Variants in ALDH16A1 observed in about 807,000 individuals in gnomAD.
ALDH16A1 encodes aldehyde dehydrogenase 16 family member A1.
In ALDH16A1, 88 loss-of-function variants were observed where a neutral mutation model predicts 96.1. The ratio of observed to expected loss-of-function variants is 0.92; its 90% CI spans 0.77 to 1.09. The LOEUF (loss-of-function observed/expected upper bound fraction) is 1.09, where lower values mean the gene tolerates loss of function less well. ALDH16A1 is among the 50% of genes least tolerant of loss of function. The pLI is 0.00. For synonymous variants in ALDH16A1, 522 were observed against 496.4 expected (o/e 1.05, Z -0.69); for missense variants, 1,250 against 1,112.6 (o/e 1.12, Z -1.76).
In ALDH16A1 at chr19:49,459,132, A is replaced by T; in HGVS notation, c.320+46A>T. ...ACCCCGGGAGGCGGGGAACCCCAGCATCCACTCGAGACCATGGGAACAAAG... is the reference window on the plus strand; with the variant it reads ...ACCCCGGGAGGCGGGGAACCCCAGCTTCCACTCGAGACCATGGGAACAAAG... On this transcript the variant is annotated intron_variant, in intron 3 of 16. Coordinates refer to ENST00000293350, the MANE Select transcript of ALDH16A1 (RefSeq NM_153329.4). The surrounding 1 kb of genome is among the most constrained non-coding windows in gnomAD (Gnocchi z 4.1). 3.1e-6 allele frequency: 5 copies of T among 1,588,324 alleles called. No individual in the cohort carries two copies. In the African/African-American group the frequency reaches 6.7e-5, roughly 21 times the overall value.
At chr19:49,454,019 G>A (rs1477428326) in intron 1 of ALDH16A1, among the ~76,000 whole-genome samples, 6 of 79,340 alleles carry the variant, frequency 7.6e-5, no homozygotes, top group African/African-American at 2.8e-4. Context: ...GTTTGGGTTG[G>A]GTTTTTTTTT....
chr19:49,462,565 C>T lies in ALDH16A1; in HGVS notation c.913-5C>T, dbSNP rs1377235339. On this transcript the variant is annotated splice_polypyrimidine_tract_variant and splice_region_variant and intron_variant, in intron 7 of 16. Coordinates refer to ENST00000293350, the MANE Select transcript of ALDH16A1 (RefSeq NM_153329.4). ...GTGATCTCCTGATGCCCCTTTTCCT[C>T]ACAGGGTGGCCTCAGGCTCCTCATC... is the stretch of plus-strand genomic sequence containing the variant. 1 of 1,611,876 alleles carries T rather than the reference C, an allele frequency of 6.2e-7. No individual in the cohort carries two copies. The highest frequency in any genetic ancestry group is 8.5e-7 in the Non-Finnish European group (1 of 1,179,524).
chr19:49,462,735 G>T lies in ALDH16A1; in HGVS notation c.1078G>T (p.Ala360Ser), dbSNP rs751104701. 6.3e-7 allele frequency: 1 copy of T among 1,597,960 alleles called. No individual in the cohort carries two copies. The highest frequency in any genetic ancestry group is 2.3e-5 in the East Asian group (1 of 44,250). Residue 360 changes from alanine to serine, a missense_variant, in exon 8 of 17, where the codon GCC becomes TCC. By Grantham distance (99) the Ala-to-Ser change is moderately conservative. Coordinates refer to ENST00000293350, the MANE Select transcript of ALDH16A1 (RefSeq NM_153329.4). ...CCTGGTCCAGCGCTTTGTGCGTGAGGCCCAGAGCCAGGGTGCACAGGTGAG... is the reference window on the plus strand; with the variant it reads ...CCTGGTCCAGCGCTTTGTGCGTGAGTCCCAGAGCCAGGGTGCACAGGTGAG... The part of the protein sequence containing the change: ...CDLVQRFVRE[A>S]QSQGAQVFQA...
chr19:49,462,007 G>T lies in ALDH16A1; in HGVS notation c.883G>T (p.Val295Leu), dbSNP rs879523213. Reference protein sequence around the residue: ...ADVDSAVEGVVDAAWSDRGPG... With the variant: ...ADVDSAVEGVLDAAWSDRGPG... Reference sequence around the variant, plus strand: ...CGTAGACTCGGCCGTGGAGGGTGTCGTGGACGCCGCCTGGTCCGACCGCGG... The same window carrying T: ...CGTAGACTCGGCCGTGGAGGGTGTCTTGGACGCCGCCTGGTCCGACCGCGG... The change falls in exon 7 of 17, where the codon GTG (valine) becomes TTG (leucine). Residue 295 changes from valine (V) to leucine (L), a missense_variant. By Grantham distance (32) the Val-to-Leu change is conservative (BLOSUM62 1). Coordinates refer to ENST00000293350, the MANE Select transcript of ALDH16A1 (RefSeq NM_153329.4). 6.5e-7 allele frequency: 1 copy of T among 1,544,666 alleles called. No homozygotes were observed. The highest frequency in any genetic ancestry group is 1.4e-5 in the African/African-American group (1 of 73,242).
At chr19:49,462,441 T>A in intron 7 of ALDH16A1, 129 bp from the exon 8 acceptor site, 5 of 1,210,066 alleles carry the variant, frequency 4.1e-6, no homozygotes, top group Non-Finnish European at 5.8e-6. Context: ...GGCCTCTCTG[T>A]TCTTTAGGAC....
In ALDH16A1 at chr19:49,461,945, G is replaced by C; in HGVS notation, c.821G>C (p.Gly274Ala). Reference protein sequence around the residue: ...GECAELGLALGTESLLLLTDT... With the variant: ...GECAELGLALATESLLLLTDT... ...TGTGCGGAGCTGGGCCTGGCGCTGG[G>C]GACGGAGTCGCTGCTGCTGCTGACG... is the stretch of plus-strand genomic sequence containing the variant. Residue 274 changes from glycine to alanine, a missense_variant, in exon 7 of 17, where the codon GGG becomes GCG. Gly to Ala is a moderately conservative substitution (Grantham distance 60). Coordinates refer to ENST00000293350, the MANE Select transcript of ALDH16A1 (RefSeq NM_153329.4). The C allele has an allele frequency of 6.4e-7, 1 of 1,571,240 alleles. No homozygotes were observed. The highest frequency in any genetic ancestry group is 8.6e-7 in the Non-Finnish European group (1 of 1,160,554).
chr19:49,459,176 A>G lies in ALDH16A1; in HGVS notation c.320+90A>G. ...AACAAAGGCTATTTCCCAAGATCCC[A>G]CTGAATTAATTTGCAGCTAAGGCTC... On this transcript the variant is annotated intron_variant, in intron 3 of 16. Transcript: ENST00000293350. The surrounding 1 kb of genome is among the most constrained non-coding windows in gnomAD (Gnocchi z 4.1). The G allele has an allele frequency of 6.6e-7, 1 of 1,523,400 alleles. No individual in the cohort carries two copies. Among genetic ancestry groups the G allele is most frequent in the Non-Finnish European group, 8.8e-7 (1 of 1,136,380 alleles). The allele number at this position is 1,523,400 out of a possible 1,614,324, so 94.4% of individuals were successfully genotyped here.
intron 16 of ALDH16A1, chr19:49,470,018 C>G (rs992711731): frequency 6.2e-6 from 2 of 321,690 alleles, no homozygotes; most frequent in Non-Finnish European, 1.1e-5. Flanking sequence ...GCCCCACCGT[C>G]CACTCTCTTA....
chr19:49,464,441 C>A lies in ALDH16A1; in HGVS notation c.1356C>A (p.Ile452=). 6.2e-7 allele frequency: 1 copy of A among 1,607,272 alleles called. No individual in the cohort carries two copies. The highest frequency in any genetic ancestry group is 8.5e-7 in the Non-Finnish European group (1 of 1,177,300). ...GYGLQVGTVW[I]NAHGLRDPSV... ...GGCTCCAGGTGGGCACTGTCTGGAT[C>A]AACGCCCACGGCCTCAGAGACCCTT... The change falls in exon 11 of 17, where the codon ATC becomes ATA. Residue 452 remains isoleucine, a synonymous_variant. Transcript: ENST00000293350.
intron 16 of ALDH16A1, chr19:49,469,970 C>T: frequency 4.4e-6 from 1 of 228,870 alleles, no homozygotes; most frequent in Non-Finnish European, 8.6e-6. Context: ...CCCGCCTCAG[C>T]CACCCCAAGT....
chr19:49,453,656 T>C (rs1951616877), intron 1 of ALDH16A1, among the ~76,000 whole-genome samples: 1 of 152,232 alleles, frequency 6.6e-6, no homozygotes, highest in Admixed American at 6.5e-5. Context: ...CCCTTGATCC[T>C]GAACTCCTCG....
intron 13 of ALDH16A1, 72 bp downstream of exon 13, chr19:49,465,977 G>C: frequency 6.4e-7 from 1 of 1,556,630 alleles, no homozygotes. Flanking sequence ...AGCAATTGGT[G>C]GACTGGGAGG....
At chr19:49,462,113 C>G (rs1185555010) in intron 7 of ALDH16A1, 77 bp downstream of exon 7, 6 of 1,428,010 alleles carry the variant, frequency 4.2e-6, no homozygotes, top group Non-Finnish European at 5.5e-6. Flanking sequence ...GGTCCCGAGT[C>G]TCTGTTCATT....
Position 49,453,228 on chromosome 19 carries a change from C to T in ALDH16A1, c.-104C>T, listed in dbSNP as rs2079080926. 2 of 1,054,908 alleles carry T rather than the reference C, an allele frequency of 1.9e-6. No homozygotes were observed. Among genetic ancestry groups the T allele is most frequent in the South Asian group, 3.3e-5 (2 of 60,806 alleles). The allele number at this position is 1,054,908 out of a possible 1,614,324, so 65.3% of individuals were successfully genotyped here. A position where few individuals can be genotyped will look rare whatever the true frequency, so the allele number is the denominator to read the frequency against. ...GTAGCCCCACCCCATTCCCATTAGC[C>T]CCGCCCCTTTGGGCTGGAACCGGAG... On this transcript the variant is annotated 5_prime_UTR_variant, in exon 1 of 17. Transcript: ENST00000293350.
In ALDH16A1 at chr19:49,459,779, C is replaced by T; in HGVS notation, c.430C>T (p.Gln144Ter). 11 of 1,613,516 alleles carry T rather than the reference C, an allele frequency of 6.8e-6. No individual in the cohort carries two copies. Among genetic ancestry groups the T allele is most frequent in the Non-Finnish European group, 9.3e-6 (11 of 1,179,884 alleles). Residue 144 changes from glutamine to a stop codon, truncating the protein, a stop_gained, in exon 4 of 17, where the codon CAG becomes TAG. Transcript: ENST00000293350. LOFTEE classifies it high-confidence loss of function. This position sits in a 1 kb window ranked among gnomAD's most constrained non-coding sequence, Gnocchi z 4.1. Reference sequence around the variant, plus strand: ...AGACGGGGACGTCCAGCTGGCCCAGCAGCTGCTCCACTACCATGCAATCCA... The same window carrying T: ...AGACGGGGACGTCCAGCTGGCCCAGTAGCTGCTCCACTACCATGCAATCCA... The part of the protein sequence containing the change: ...VRDGDVQLAQ[Q>*]LLHYHAIQAS...
chr19:49,464,769 C>A lies in ALDH16A1; in HGVS notation c.1568+7C>A. The A allele has an allele frequency of 1.2e-6, 2 of 1,613,736 alleles. No homozygotes were observed. The highest frequency in any genetic ancestry group is 2.2e-5 in the South Asian group (2 of 91,034). Reference sequence around the variant, plus strand: ...GGCCTGAAATAGGGCCCAGGTGAGTCGTTGGGGGCCAGTGGTCTGGGAGTG... The same window carrying A: ...GGCCTGAAATAGGGCCCAGGTGAGTAGTTGGGGGCCAGTGGTCTGGGAGTG... On this transcript the variant is annotated splice_region_variant and intron_variant, in intron 12 of 16. Coordinates refer to ENST00000293350, the MANE Select transcript of ALDH16A1 (RefSeq NM_153329.4).
At chr19:49,466,025 G>T in intron 13 of ALDH16A1, 57 bp from the exon 14 acceptor site, 1 of 1,537,622 alleles carries the variant, frequency 6.5e-7, no homozygotes, top group Non-Finnish European at 8.8e-7. Flanking sequence ...CAGAGGTGGG[G>T]TGTCAGGAGA....
rs1287578645 is a variant in ALDH16A1 at position 49,468,793 on chromosome 19, C to A, written c.2125-71C>A. The A allele has an allele frequency of 1.9e-6, 3 of 1,549,572 alleles. No individual in the cohort carries two copies. Among genetic ancestry groups the A allele is most frequent in the East Asian group, 4.5e-5 (2 of 44,170 alleles). ...CCCCCATCCCCTTCCCTCCCATGGG[C>A]ACCCCCTGAATGCCCACTCCTTGCC... On this transcript the variant is annotated intron_variant, in intron 15 of 16. Coordinates refer to ENST00000293350, the MANE Select transcript of ALDH16A1 (RefSeq NM_153329.4). This position sits in a 1 kb window ranked among gnomAD's most constrained non-coding sequence, Gnocchi z 4.4.
chr19:49,460,951 T>C, intron 5 of ALDH16A1, 52 bp downstream of exon 5: 2 of 1,569,436 alleles, frequency 1.3e-6, no homozygotes, highest in Non-Finnish European at 1.8e-6. Context: ...AAGGAGGGGA[T>C]CGTGGGGCCC....
Sources: allele counts gnomAD v4.1 joint callset (sites outside exome capture counted in the v4.1 genomes callset), GRCh38; gene constraint gnomAD v4.1.1; non-coding constraint Gnocchi (gnomAD v3.1); transcripts MANE v1.5; gene names NCBI Gene and HGNC (gene_info 2026-07-23, HGNC 2026-07-21).